Variants in PEAK1 observed in about 807,000 individuals in gnomAD.
PEAK1 encodes the protein inactive tyrosine-protein kinase PEAK1.
In PEAK1, 54 loss-of-function variants were observed where a neutral mutation model predicts 124.7. The ratio of observed to expected loss-of-function variants is 0.43; its 90% CI spans 0.35 to 0.54. PEAK1 has a LOEUF of 0.54. Ranked by LOEUF, PEAK1 falls within the 20% of genes least tolerant of loss-of-function variation. The probability of loss-of-function intolerance (pLI) is 0.01; values close to 1 mark genes in which losing one functional copy is unlikely to be tolerated. For missense variants in PEAK1, 2,046 were observed against 2,134.5 expected (o/e 0.96, Z 0.82); for synonymous variants, 719 against 760.0 (o/e 0.95, Z 0.89).
chr15:77,270,399 T>C (rs865986643), intron 5 of PEAK1, among the ~76,000 whole-genome samples: 2 of 152,110 alleles, frequency 1.3e-5, no homozygotes, highest in African/African-American at 4.8e-5. Context: ...CAGCCCAAAA[T>C]CTCCTTAAGC....
chr15:77,152,305 A>T (rs2054712940), intron 8 of PEAK1, among the ~76,000 whole-genome samples: 1 of 152,090 alleles, frequency 6.6e-6, no homozygotes, highest in Non-Finnish European at 1.5e-5. Context: ...TTATTGGTGT[A>T]TAAGAATGCT....
chr15:77,403,817 T>C, intron 1 of PEAK1: 1 of 982,000 alleles, frequency 1.0e-6, no homozygotes, highest in East Asian at 1.1e-4. Flanking sequence ...TATTCAATTC[T>C]ATTCTAATAT....
rs1275145441 is a variant in PEAK1, at chr15:77,179,786, T to C, written c.2141A>G (p.Asn714Ser). Reference sequence around the variant, plus strand: ...TCTCTGTGGTGAAGACTGACCTCTGTTGAGACAGTTGTTAAACTCTTGAAC... The same window carrying C: ...TCTCTGTGGTGAAGACTGACCTCTGCTGAGACAGTTGTTAAACTCTTGAAC... ...QKVQEFNNCL[N>S]RGQSSPQRSY... is the part of the protein sequence containing the mutation. Residue 714 changes from asparagine (N) to serine (S), a missense_variant, in exon 7 of 10, where the codon AAC becomes AGC. Physicochemically the swap from Asn to Ser is conservative, Grantham distance 46. Transcript: ENST00000682557. The C allele has an allele frequency of 6.2e-7, 1 of 1,614,038 alleles. No homozygotes were observed. The highest frequency in any genetic ancestry group is 8.5e-7 in the Non-Finnish European group (1 of 1,180,020).
At chr15:77,355,714 T>G in intron 2 of PEAK1, 2 of 965,760 alleles carry the variant, frequency 2.1e-6, no homozygotes, top group Non-Finnish European at 2.5e-6. Context: ...ACTCATCCAT[T>G]TTGGGGGGTC....
intron 6 of PEAK1, among the ~76,000 whole-genome samples, chr15:77,209,191 A>C (rs1461325564): frequency 6.6e-6 from 1 of 152,186 alleles, no homozygotes; most frequent in Non-Finnish European, 1.5e-5. Context: ...TTTAATATAA[A>C]AGAAAAAAAT....
At chr15:77,224,959 G>A (rs1308132181) in intron 6 of PEAK1, among the ~76,000 whole-genome samples, 2 of 151,466 alleles carry the variant, frequency 1.3e-5, no homozygotes, top group African/African-American at 4.8e-5. Flanking sequence ...TTGCCTCTAG[G>A]TCCTCCCACT....
chr15:77,278,008 G>A (rs1358277713), intron 5 of PEAK1, among the ~76,000 whole-genome samples: 2 of 152,140 alleles, frequency 1.3e-5, no homozygotes, highest in African/African-American at 2.4e-5. Flanking sequence ...CTATGGGCTT[G>A]GGGTGATTAT....
intron 6 of PEAK1, chr15:77,239,805 T>C: frequency 1.0e-6 from 1 of 980,186 alleles, no homozygotes; most frequent in South Asian, 4.7e-5. Flanking sequence ...TTAACATTCT[T>C]CTTTCAATGC....
intron 4 of PEAK1, 83 bp from the exon 5 acceptor site, chr15:77,284,113 G>A: frequency 1.5e-6 from 1 of 676,854 alleles, no homozygotes; most frequent in Non-Finnish European, 1.8e-6. Flanking sequence ...ATTCAATCTG[G>A]TCATGTAAAC....
At chr15:77,290,616 C>T (rs958164021) in intron 2 of PEAK1, among the ~76,000 whole-genome samples, 9 of 151,634 alleles carry the variant, frequency 5.9e-5, no homozygotes, top group African/African-American at 2.2e-4. Flanking sequence ...GTGGCGTGAC[C>T]ATGGATCACT....
In PEAK1 at chr15:77,175,231, G is replaced by C. The variant is rs946519391; in HGVS notation, c.3137+3559C>G. ...TCTAAAACACCAAAAGCAATGGCAA[G>C]AAAAGCCAAAATTGACAAATGGGAT... On this transcript the variant is annotated intron_variant, in intron 7 of 9. Transcript: ENST00000682557. Among the ~76,000 whole-genome samples the C allele has an allele frequency of 5.1e-3, 769 of 151,968 alleles. 4 individuals are homozygous for C. Among genetic ancestry groups the C allele is most frequent in the African/African-American group, 0.016 (667 of 41,516 alleles).
chr15:77,289,431 T>G (rs1338250514), intron 2 of PEAK1, among the ~76,000 whole-genome samples: 1 of 152,240 alleles, frequency 6.6e-6, no homozygotes, highest in East Asian at 1.9e-4. Context: ...TTGCTCCAAA[T>G]AAGTAGGGAA....
intron 9 of PEAK1, among the ~76,000 whole-genome samples, chr15:77,127,061 A>G (rs542575125): frequency 6.6e-6 from 1 of 152,228 alleles, no homozygotes; most frequent in African/African-American, 2.4e-5. Flanking sequence ...AGAGATCATA[A>G]GAGTGGGGCC....
chr15:77,333,507 AAAT>A (rs1481147474), intron 2 of PEAK1: 66 of 869,358 alleles, frequency 7.6e-5, no homozygotes, highest in Non-Finnish European at 8.6e-5. Flanking sequence ...TAAAAATAGA[AAAT>A]AATTTCTCCA....
intron 8 of PEAK1, among the ~76,000 whole-genome samples, chr15:77,154,491 A>T (rs2152777361): frequency 6.6e-6 from 1 of 152,226 alleles, no homozygotes; most frequent in East Asian, 1.9e-4. Flanking sequence ...TTATATTTAA[A>T]GTTAATATTG....
intron 1 of PEAK1, chr15:77,404,054 C>T (rs1294662050): frequency 1.0e-6 from 1 of 984,182 alleles, no homozygotes; most frequent in Non-Finnish European, 1.2e-6. Context: ...AATATAGAAT[C>T]AATTTTACTG....
At chr15:77,407,285 T>G (rs2071909384) in intron 1 of PEAK1, among the ~76,000 whole-genome samples, 1 of 152,048 alleles carries the variant, frequency 6.6e-6, no homozygotes, top group Admixed American at 6.6e-5. Flanking sequence ...TTAAATAAAC[T>G]AAAAAGCTTC....
intron 6 of PEAK1, among the ~76,000 whole-genome samples, chr15:77,231,828 G>A (rs2059921973): frequency 6.6e-6 from 1 of 152,106 alleles, no homozygotes; most frequent in Non-Finnish European, 1.5e-5. Flanking sequence ...TTTCCTCCAA[G>A]CAGTAGTCTA....
chr15:77,388,806 CAA>C (rs5813864), intron 1 of PEAK1, among the ~76,000 whole-genome samples: 2 of 142,786 alleles, frequency 1.4e-5, no homozygotes, highest in African/African-American at 2.6e-5. Context: ...CTTCACACTA[CAA>C]AAAAAAAAAA....
Sources: allele counts gnomAD v4.1 joint callset (sites outside exome capture counted in the v4.1 genomes callset), GRCh38; gene constraint gnomAD v4.1.1; transcripts MANE v1.5; gene names NCBI Gene and HGNC (gene_info 2026-07-23, HGNC 2026-07-21).